PER3: variants seen among roughly 807,000 people sequenced by gnomAD.
PER3 encodes the protein period circadian protein homolog 3.
In PER3, 107 loss-of-function variants were observed where a neutral mutation model predicts 127.2. That is an observed-to-expected ratio of 0.84 (90% CI 0.72 to 0.99). The LOEUF is 0.99. Ranked by LOEUF, PER3 falls within the 50% of genes least tolerant of loss-of-function variation. The pLI is 0.00. For missense variants in PER3, 1,560 were observed against 1,525.8 expected, an observed-to-expected ratio of 1.02 and a Z score of -0.37; for synonymous variants, 618 against 585.8, an observed-to-expected ratio of 1.05 and a Z score of -0.79.
At position 7,835,781 on chromosome 1, in the gene PER3, A is replaced by G. The variant is rs138656617; in HGVS notation, c.3234A>G (p.Ile1078Met). 6.8e-6 allele frequency: 11 copies of G among 1,611,564 alleles called. No individual in the cohort carries two copies. In the African/African-American group the frequency reaches 1.3e-4, roughly 20 times the overall value. The change falls in exon 20 of 22, where the codon ATA (isoleucine) becomes ATG (methionine). Residue 1078 changes from isoleucine to methionine, a missense_variant. Physicochemically the swap from Ile to Met is conservative, Grantham distance 10. This residue lies in a region of PER3 where 199 missense variants were observed against 198.6 expected (regional missense o/e 1.00). Coordinates refer to ENST00000377532, the MANE Select transcript of PER3 (RefSeq NM_001377275.1). ...TGACAGGAAGCAGCGACAGCAGTAT[A>G]TACCTTACTAGTAGTGTTTATTCTT... Reference protein sequence around the residue: ...SAASGSSDSSIYLTSSVYSSK... With the variant: ...SAASGSSDSSMYLTSSVYSSK...
intron 5 of PER3, among the ~76,000 whole-genome samples, chr1:7,790,451 A>G (rs2150491686): frequency 6.6e-6 from 1 of 152,306 alleles, no homozygotes; most frequent in South Asian, 2.1e-4. Flanking sequence ...CCATGATTCA[A>G]TTACCTCCCT....
intron 9 of PER3, 65 bp downstream of exon 9, chr1:7,803,218 T>C (rs2097178206): frequency 1.0e-5 from 10 of 1,002,418 alleles, no homozygotes; most frequent in Non-Finnish European, 1.4e-5. Flanking sequence ...AATTTTTCTT[T>C]TCATCTCATT....
chr1:7,827,476 T>C lies in PER3; in HGVS notation c.2547T>C (p.Phe849=). The C allele has an allele frequency of 6.2e-7, 1 of 1,614,234 alleles. No homozygotes were observed. Among genetic ancestry groups the C allele is most frequent in the Non-Finnish European group, 8.5e-7 (1 of 1,180,046 alleles). ...TGCAGCCTTACCCAGCTTTCCCTTT[T>C]CCTTACTTGGATACTTTTATGACCG... The part of the protein sequence containing the change: ...EGLQPYPAFP[F]PYLDTFMTVF... Residue 849 remains phenylalanine, a synonymous_variant, in exon 18 of 22, where the codon TTT becomes TTC. Transcript: ENST00000377532.
chr1:7,818,214 T>C (rs1258412283), intron 13 of PER3, among the ~76,000 whole-genome samples: 1 of 152,196 alleles, frequency 6.6e-6, no homozygotes, highest in African/African-American at 2.4e-5. Flanking sequence ...TTGGGGTCAT[T>C]TTATTATGGT....
At chr1:7,810,314 G>C (rs1395046467) in intron 12 of PER3, 124 bp from the exon 13 acceptor site, 2 of 732,528 alleles carry the variant, frequency 2.7e-6, no homozygotes, top group Non-Finnish European at 4.5e-6. Context: ...CTGGATTAAA[G>C]TGATTACTGT....
Position 7,785,559 on chromosome 1 carries a change from G to GCT in PER3, c.251_252dup (p.Arg85SerfsTer27). The GCT allele has an allele frequency of 6.2e-7, 1 of 1,613,726 alleles. No homozygotes were observed. Among genetic ancestry groups the GCT allele is most frequent in the Non-Finnish European group, 8.5e-7 (1 of 1,179,792 alleles). On this transcript the variant is annotated frameshift_variant, in exon 3 of 22. Coordinates refer to ENST00000377532, the MANE Select transcript of PER3 (RefSeq NM_001377275.1). LOFTEE classifies it high-confidence loss of function. The stretch of plus-strand genomic sequence containing the variant: ...AAGCACTCTAGATGCCCTCAACTAT[G>GCT]CTCTCCGCTGTGTCCACAGCGTTCA...
intron 5 of PER3, among the ~76,000 whole-genome samples, chr1:7,791,821 T>C (rs2097122926): frequency 6.6e-6 from 1 of 152,126 alleles, no homozygotes; most frequent in African/African-American, 2.4e-5. Context: ...AGCAGAAGTG[T>C]CCTTTACTCC....
chr1:7,839,852 C>T (rs768743500), intron 21 of PER3, among the ~76,000 whole-genome samples: 12 of 151,040 alleles, frequency 7.9e-5, no homozygotes, highest in Non-Finnish European at 1.6e-4. Context: ...TAGTGTGGAT[C>T]TCCGAGTTCT....
chr1:7,817,689 T>C (rs1208633192), intron 13 of PER3, among the ~76,000 whole-genome samples: 1 of 152,078 alleles, frequency 6.6e-6, no homozygotes, highest in Non-Finnish European at 1.5e-5. Flanking sequence ...CCCCTTTTGT[T>C]TAATATACAG....
In PER3 at chr1:7,827,449, C is replaced by A; in HGVS notation, c.2520C>A (p.Gly840=). The A allele has an allele frequency of 6.2e-7, 1 of 1,614,190 alleles. No individual in the cohort carries two copies. The highest frequency in any genetic ancestry group is 8.5e-7 in the Non-Finnish European group (1 of 1,179,992). Residue 840 remains glycine (G), a synonymous_variant, in exon 18 of 22, where the codon GGC becomes GGA. Transcript: ENST00000377532. ...EGLHGLPLSE[G]LQPYPAFPFP... Reference sequence around the variant, plus strand: ...TGCATGGGCTGCCCTTGTCCGAGGGCTTGCAGCCTTACCCAGCTTTCCCTT... The same window carrying A: ...TGCATGGGCTGCCCTTGTCCGAGGGATTGCAGCCTTACCCAGCTTTCCCTT...
At chr1:7,811,015 T>C (rs1256171285) in intron 13 of PER3, among the ~76,000 whole-genome samples, 1 of 152,214 alleles carries the variant, frequency 6.6e-6, no homozygotes, top group East Asian at 1.9e-4. Context: ...AAACTTTGGC[T>C]CTTTTCTTGA....
chr1:7,835,640 A>G (rs963962550), intron 19 of PER3, 122 bp from the exon 20 acceptor site: 26 of 655,792 alleles, frequency 4.0e-5, no homozygotes, highest in Middle Eastern at 8.7e-4. Context: ...AGTTTCCCGG[A>G]AATGATGGTT....
intron 21 of PER3, among the ~76,000 whole-genome samples, chr1:7,840,116 C>T (rs1244386169): frequency 6.6e-6 from 1 of 152,050 alleles, no homozygotes; most frequent in East Asian, 1.9e-4. Context: ...ATTGTCCGGT[C>T]TTCATACGTG....
rs1558481645 is a variant in PER3, at chr1:7,835,809, A to G, written c.3262A>G (p.Lys1088Glu). 1.2e-6 allele frequency: 2 copies of G among 1,612,562 alleles called. No homozygotes were observed. Among genetic ancestry groups the G allele is most frequent in the Non-Finnish European group, 1.7e-6 (2 of 1,178,588 alleles). The change falls in exon 20 of 22, where the codon AAA (lysine) becomes GAA (glutamate). Residue 1088 changes from lysine to glutamate, a missense_variant. Physicochemically the swap from Lys to Glu is moderately conservative, Grantham distance 56. Around this residue, in one of 3 missense-constraint regions of PER3, gnomAD observed 199 missense variants for 198.6 expected, o/e 1.00. Coordinates refer to ENST00000377532, the MANE Select transcript of PER3 (RefSeq NM_001377275.1). ...CCTTACTAGTAGTGTTTATTCTTCT[A>G]AAATCTCCCAAAATGGGCAGCAATC... ...IYLTSSVYSS[K>E]ISQNGQQSQD...
intron 3 of PER3, among the ~76,000 whole-genome samples, chr1:7,786,172 G>A (rs1346258373): frequency 6.6e-6 from 1 of 152,178 alleles, no homozygotes; most frequent in Non-Finnish European, 1.5e-5. Context: ...GGAGAACGGC[G>A]TGAACCCGGG....
chr1:7,809,862 A>G (rs1024593567), intron 11 of PER3, 31 bp from the exon 12 acceptor site: 2 of 1,609,320 alleles, frequency 1.2e-6, no homozygotes, highest in Non-Finnish European at 1.7e-6. Context: ...ACAGCCAGCA[A>G]TTCTGGACTT....
chr1:7,842,823 TG>T lies in PER3; in HGVS notation c.*70del. On this transcript the variant is annotated 3_prime_UTR_variant, in exon 22 of 22. Transcript: ENST00000377532. ...TACACAGACAGACCTTTTTAAGTCC[TG>T]GACTTTTAAATGACCATGAAGTTAT... 1 of 1,349,980 alleles carries T rather than the reference TG, an allele frequency of 7.4e-7. No individual in the cohort carries two copies. The highest frequency in any genetic ancestry group is 1.0e-6 in the Non-Finnish European group (1 of 973,198). The allele number at this position is 1,349,980 out of a possible 1,614,324, so 83.6% of individuals were successfully genotyped here.
chr1:7,837,176 A>G, intron 21 of PER3, 27 bp downstream of exon 21: 1 of 1,593,644 alleles, frequency 6.3e-7, no homozygotes, highest in Non-Finnish European at 8.6e-7. Context: ...TGGCTGTCAT[A>G]TACTCATGTA....
chr1:7,837,638 A>G (rs919521131), intron 21 of PER3, among the ~76,000 whole-genome samples: 2 of 152,230 alleles, frequency 1.3e-5, no homozygotes, highest in Non-Finnish European at 2.9e-5. Context: ...TTATTTGTGA[A>G]TAGCCTGAAC....
Sources: allele counts gnomAD v4.1 joint callset (sites outside exome capture counted in the v4.1 genomes callset), GRCh38; gene constraint gnomAD v4.1.1; regional missense constraint gnomAD v4.1.1; transcripts MANE v1.5; gene names NCBI Gene and HGNC (gene_info 2026-07-23, HGNC 2026-07-21).